Variants in EFHC2 observed in about 807,000 individuals in gnomAD.
EFHC2 encodes EF-hand domain-containing family member C2.
A neutral mutation model predicts 52.7 loss-of-function variants in EFHC2; 18 were observed. That is an observed-to-expected ratio of 0.34 (90% CI 0.24 to 0.51). The LOEUF (loss-of-function observed/expected upper bound fraction) is 0.51, where lower values mean the gene tolerates loss of function less well. Ranked by LOEUF, EFHC2 falls within the 20% of genes least tolerant of loss-of-function variation. EFHC2 has a pLI of 0.97. For synonymous variants in EFHC2, 203 were observed against 204.1 expected (o/e 0.99, Z 0.04); for missense variants, 513 against 562.5 (o/e 0.91, Z 0.89).
intron 11 of EFHC2, among the ~76,000 whole-genome samples, chrX:44,219,202 C>G (rs1168128806): frequency 9.4e-6 from 1 of 105,827 alleles, no homozygotes; most frequent in Admixed American, 1.0e-4. Context: ...CAGTAGTTAC[C>G]TCTTGAATGG....
chrX:44,328,742 T>C (rs945495414), intron 1 of EFHC2, among the ~76,000 whole-genome samples: 2 of 111,593 alleles, frequency 1.8e-5, no homozygotes, highest in African/African-American at 3.3e-5. Context: ...ACCAATCAGA[T>C]GCTTGCATAG....
chrX:44,319,405 G>A (rs945452086), intron 1 of EFHC2, among the ~76,000 whole-genome samples: 3 of 111,450 alleles, frequency 2.7e-5, no homozygotes, highest in South Asian at 3.8e-4. Context: ...CAACCCTTGC[G>A]CTGTCTCTGC....
At chrX:44,263,555 T>C (rs1485265662) in intron 3 of EFHC2, among the ~76,000 whole-genome samples, 2 of 112,089 alleles carry the variant, frequency 1.8e-5, no homozygotes, top group Non-Finnish European at 3.8e-5. Flanking sequence ...TTAAATGTAC[T>C]ACATAAAAGA....
chrX:44,163,715 A>G (rs1404256525), intron 14 of EFHC2, among the ~76,000 whole-genome samples: 1 of 112,319 alleles, frequency 8.9e-6, no homozygotes, highest in Non-Finnish European at 1.9e-5. Context: ...TCAGCTGCAT[A>G]AGAAAAGTCA....
intron 2 of EFHC2, among the ~76,000 whole-genome samples, chrX:44,287,971 G>A (rs1342525025): frequency 9.0e-6 from 1 of 111,570 alleles, no homozygotes; most frequent in African/African-American, 3.3e-5. Flanking sequence ...TTTTTCAGTT[G>A]GTTTTTATTC....
intron 2 of EFHC2, among the ~76,000 whole-genome samples, chrX:44,301,109 CAAA>C (rs777876518): frequency 1.4e-4 from 6 of 42,776 alleles, no homozygotes; most frequent in Non-Finnish European, 1.3e-4. Flanking sequence ...GACTCTATCT[CAAA>C]AAAAAAAAAA....
intron 11 of EFHC2, among the ~76,000 whole-genome samples, chrX:44,220,806 A>G (rs2037187983): frequency 8.9e-6 from 1 of 112,276 alleles, no homozygotes; most frequent in Non-Finnish European, 1.9e-5. Flanking sequence ...ACATACACAT[A>G]TATTTATCAA....
intron 2 of EFHC2, among the ~76,000 whole-genome samples, chrX:44,304,249 A>G (rs1475167072): frequency 8.9e-6 from 1 of 112,142 alleles, no homozygotes; most frequent in African/African-American, 3.2e-5. Context: ...TAGGATAAAC[A>G]AGCTGAATTT....
At chrX:44,165,255 C>T (rs1487103510) in intron 13 of EFHC2, among the ~76,000 whole-genome samples, 1 of 111,747 alleles carries the variant, frequency 8.9e-6, no homozygotes. Flanking sequence ...TTAAATGTTA[C>T]AAGCTGAAGT....
chrX:44,328,663 T>C (rs151073540), intron 1 of EFHC2, among the ~76,000 whole-genome samples: 1,692 of 111,939 alleles, frequency 0.015, 31 homozygotes, highest in African/African-American at 0.051. Context: ...CTCTGATTGA[T>C]TGCAGAAAGT....
chrX:44,212,558 G>A (rs1281516532), intron 11 of EFHC2, among the ~76,000 whole-genome samples: 1 of 110,406 alleles, frequency 9.1e-6, no homozygotes, highest in Non-Finnish European at 1.9e-5. Flanking sequence ...AGTAGGGGGA[G>A]GGGAGGGGAG....
chrX:44,303,879 G>A (rs971748484), intron 2 of EFHC2, among the ~76,000 whole-genome samples: 2 of 111,677 alleles, frequency 1.8e-5, no homozygotes, highest in African/African-American at 3.3e-5. Flanking sequence ...ATTTTCAAAT[G>A]TATGCATATC....
Position 44,310,315 on chromosome X carries a change from C to G in EFHC2, c.231+2253G>C, listed in dbSNP as rs992043741. Reference sequence around the variant, plus strand: ...GCTGCTTTAGTTTTCGGCTCGCGGGCTCCTGGAAGATCCTCCATGCAGTCT... The same window carrying G: ...GCTGCTTTAGTTTTCGGCTCGCGGGGTCCTGGAAGATCCTCCATGCAGTCT... On this transcript the variant is annotated intron_variant, in intron 2 of 14. Coordinates refer to ENST00000420999, the MANE Select transcript of EFHC2 (RefSeq NM_025184.4). The G allele has an allele frequency of 3.2e-5, 29 of 917,634 alleles. No homozygotes were observed. In the African/African-American group the frequency reaches 5.1e-4, roughly 16 times the overall value. 75.6% of individuals were successfully genotyped at this position (917,634 alleles called of 1,213,427 possible). A position where few individuals can be genotyped will look rare whatever the true frequency, so the allele number is the denominator to read the frequency against.
chrX:44,176,538 C>T (rs2036788855), intron 12 of EFHC2, among the ~76,000 whole-genome samples, 154 bp from the exon 13 acceptor site: 1 of 112,056 alleles, frequency 8.9e-6, no homozygotes, highest in Admixed American at 9.4e-5. Flanking sequence ...TAAGGAAGAA[C>T]AGTCACATTT....
rs1400074103 is a variant in EFHC2, at chrX:44,343,628, G to A, written c.-40C>T. ...GAAAATCCAGGGTCCCAGAAGAGAG[G>A]GCCCGGCAGGCAGCGGCGCCTCCCG... On this transcript the variant is annotated 5_prime_UTR_variant, in exon 1 of 15. Coordinates refer to ENST00000420999, the MANE Select transcript of EFHC2 (RefSeq NM_025184.4). The A allele has an allele frequency of 2.8e-6, 3 of 1,087,303 alleles. No homozygotes were observed. Among genetic ancestry groups the A allele is most frequent in the African/African-American group, 3.1e-5 (1 of 32,591 alleles). The allele number at this position is 1,087,303 out of a possible 1,213,427, so 89.6% of individuals were successfully genotyped here.
At position 44,252,932 on chromosome X, in the gene EFHC2, C is replaced by A. The variant is rs777373467; in HGVS notation, c.607-2487G>T. ...TTTCTGCATTTCCAACTGAGGTATCCGGCTCATCTCATTGGGACTGCTTAG... is the reference window on the plus strand; with the variant it reads ...TTTCTGCATTTCCAACTGAGGTATCAGGCTCATCTCATTGGGACTGCTTAG... On this transcript the variant is annotated intron_variant, in intron 4 of 14. Transcript: ENST00000420999. 9.0e-5 allele frequency among the ~76,000 whole-genome samples: 10 copies of A among 110,556 alleles called. No homozygotes were observed. In the Admixed American group the frequency reaches 9.6e-4, roughly 11 times the overall value.
chrX:44,285,914 A>C (rs895996048), intron 2 of EFHC2: 1 of 115,034 alleles, frequency 8.7e-6, no homozygotes, highest in African/African-American at 3.3e-5. Context: ...TGACCACAAG[A>C]TACATCGCCA....
intron 2 of EFHC2, among the ~76,000 whole-genome samples, chrX:44,299,272 C>A (rs1042864722): frequency 1.8e-5 from 2 of 111,696 alleles, no homozygotes; most frequent in Admixed American, 1.9e-4. Context: ...GGGAACCAGA[C>A]ATTCCTTATT....
intron 2 of EFHC2, among the ~76,000 whole-genome samples, chrX:44,297,712 G>A (rs1382663160): frequency 1.1e-5 from 1 of 94,262 alleles, no homozygotes; most frequent in Non-Finnish European, 2.1e-5. Context: ...CTGGGCGACA[G>A]AGCGAGACTC....
Sources: gnomAD v4.1 joint callset for allele counts (sites outside exome capture counted in the v4.1 genomes callset) on GRCh38, gnomAD v4.1.1 for gene constraint, MANE v1.5 for transcripts, NCBI Gene and HGNC (gene_info 2026-07-23, HGNC 2026-07-21) for gene names.